SRRM4: variants seen among roughly 807,000 people sequenced by gnomAD.
SRRM4 encodes the protein serine/arginine repetitive matrix 4.
In SRRM4, 33 loss-of-function variants were observed where a neutral mutation model predicts 68.9. That is an observed-to-expected ratio of 0.48 (90% CI 0.36 to 0.64). SRRM4 has a LOEUF of 0.64. Among genes scored for constraint, SRRM4 ranks in the 30% least tolerant of loss-of-function variants. The pLI, the probability that SRRM4 is intolerant of heterozygous loss-of-function variation, is 0.00. For missense variants in SRRM4, 817 were observed against 827.1 expected (o/e 0.99, Z 0.15); for synonymous variants, 318 against 318.8 (o/e 1.00, Z 0.03).
At chr12:118,995,653 T>A (rs1042867286) in intron 1 of SRRM4, among the ~76,000 whole-genome samples, 1 of 152,170 alleles carries the variant, frequency 6.6e-6, no homozygotes, top group Non-Finnish European at 1.5e-5. Context: ...CTTTCTTGAG[T>A]GAGAAATTTG....
Position 119,125,476 on chromosome 12 carries a change from G to A in SRRM4, c.611G>A (p.Ser204Asn). Residue 204 changes from serine (S) to asparagine (N), a missense_variant, in exon 7 of 13, where the codon AGC (serine) becomes AAC (asparagine). Coordinates refer to ENST00000267260, the MANE Select transcript of SRRM4 (RefSeq NM_194286.4). ...SSESRPSSCE[S>N]RHRGRSPEEG... ...GAGTCCCGCCCCTCAAGCTGTGAGAGCAGGTAACCCCTTGCCCCAGGATCC... is the reference window on the plus strand; with the variant it reads ...GAGTCCCGCCCCTCAAGCTGTGAGAACAGGTAACCCCTTGCCCCAGGATCC... 1.9e-6 allele frequency: 3 copies of A among 1,583,286 alleles called. No individual in the cohort carries two copies. Among genetic ancestry groups the A allele is most frequent in the Non-Finnish European group, 1.7e-6 (2 of 1,164,530 alleles).
intron 7 of SRRM4, 45 bp downstream of exon 7, chr12:119,125,524 C>A: frequency 6.4e-7 from 1 of 1,552,420 alleles, no homozygotes; most frequent in Non-Finnish European, 8.9e-7. Flanking sequence ...CACAGCCGAG[C>A]CCAGGCTAAG....
intron 1 of SRRM4, among the ~76,000 whole-genome samples, chr12:119,043,775 T>TACACACACACACAC (rs58053550): frequency 0.17 from 23,803 of 141,398 alleles, 2,381 homozygotes; most frequent in Middle Eastern, 0.32. Context: ...CATACACGCA[T>TACACACACACACAC]ACACACACAC....
chr12:119,156,384 A>G, intron 12 of SRRM4, 111 bp from the exon 13 acceptor site: 1 of 1,441,984 alleles, frequency 6.9e-7, no homozygotes, highest in Non-Finnish European at 9.2e-7. Context: ...ATTTTTTCCT[A>G]AGGGACTGGG....
In SRRM4 at chr12:118,981,805, G is replaced by C. The variant is rs1953248791; in HGVS notation, c.-78G>C. 6.6e-7 allele frequency: 1 copy of C among 1,516,980 alleles called. No individual in the cohort carries two copies. Among genetic ancestry groups the C allele is most frequent in the Admixed American group, 1.9e-5 (1 of 51,436 alleles). 94.0% of individuals were successfully genotyped at this position (1,516,980 alleles called of 1,614,324 possible). The stretch of plus-strand genomic sequence containing the variant: ...TTTCACCCGGACAGAGCCGGGAGCT[G>C]GGTGTCGCCCCCGTTTGGAATCCAC... On this transcript the variant is annotated 5_prime_UTR_variant, in exon 1 of 13. Coordinates refer to ENST00000267260, the MANE Select transcript of SRRM4 (RefSeq NM_194286.4).
intron 1 of SRRM4, among the ~76,000 whole-genome samples, chr12:119,029,090 A>T (rs1003681915): frequency 3.3e-5 from 5 of 152,192 alleles, no homozygotes; most frequent in Non-Finnish European, 4.4e-5. Context: ...AAGGTGAGAA[A>T]TAACTCACAA....
chr12:119,055,966 G>T (rs1222494914), intron 1 of SRRM4, among the ~76,000 whole-genome samples: 1 of 152,204 alleles, frequency 6.6e-6, no homozygotes, highest in African/African-American at 2.4e-5. Context: ...AATCTCTTCT[G>T]GGGCCATGTA....
At chr12:118,986,599 C>T (rs1323486013) in intron 1 of SRRM4, among the ~76,000 whole-genome samples, 1 of 152,156 alleles carries the variant, frequency 6.6e-6, no homozygotes, top group Non-Finnish European at 1.5e-5. Context: ...ACTTGAAAGA[C>T]GCACACACTG....
intron 4 of SRRM4, among the ~76,000 whole-genome samples, chr12:119,119,238 A>G (rs1954202495): frequency 6.6e-6 from 1 of 151,962 alleles, no homozygotes. Context: ...CAGAACTTAG[A>G]ATAAAAATTA....
chr12:119,121,908 G>C (rs1267125399), intron 5 of SRRM4, among the ~76,000 whole-genome samples, 162 bp from the exon 6 acceptor site: 1 of 152,208 alleles, frequency 6.6e-6, no homozygotes, highest in South Asian at 2.1e-4. Flanking sequence ...AGCCGAATTT[G>C]CTGCATGAAA....
At chr12:119,063,165 A>G (rs1163058223) in intron 1 of SRRM4, among the ~76,000 whole-genome samples, 2 of 152,222 alleles carry the variant, frequency 1.3e-5, no homozygotes, top group Non-Finnish European at 2.9e-5. Context: ...TAGATGTTCA[A>G]AGATGAACAA....
chr12:119,084,733 G>A (rs1389063952), intron 1 of SRRM4, among the ~76,000 whole-genome samples: 1 of 151,940 alleles, frequency 6.6e-6, no homozygotes, highest in Non-Finnish European at 1.5e-5. Flanking sequence ...GCAAAATAGA[G>A]AATTGCAATG....
chr12:118,981,921 G>A lies in SRRM4; in HGVS notation c.39G>A (p.Glu13=), dbSNP rs1408811912. Residue 13 remains glutamate (E), a synonymous_variant, in exon 1 of 13, where the codon GAG becomes GAA. Coordinates refer to ENST00000267260, the MANE Select transcript of SRRM4 (RefSeq NM_194286.4). ...SVQQGEKQLF[E]KFWRGTFKAV... Reference sequence around the variant, plus strand: ...AGCAAGGCGAGAAGCAGCTTTTTGAGAAGTTCTGGCGAGGAACCTTCAAAG... The same window carrying A: ...AGCAAGGCGAGAAGCAGCTTTTTGAAAAGTTCTGGCGAGGAACCTTCAAAG... 6.2e-7 allele frequency: 1 copy of A among 1,613,522 alleles called. No individual in the cohort carries two copies. The highest frequency in any genetic ancestry group is 1.1e-5 in the South Asian group (1 of 90,894).
In SRRM4 at chr12:119,154,165, G is replaced by A. The variant is rs1954457337; in HGVS notation, c.1392-78G>A. The A allele has an allele frequency of 7.4e-7, 1 of 1,348,192 alleles. No individual in the cohort carries two copies. Among genetic ancestry groups the A allele is most frequent in the East Asian group, 2.5e-5 (1 of 39,652 alleles). 83.5% of individuals were successfully genotyped at this position (1,348,192 alleles called of 1,614,324 possible). On this transcript the variant is annotated intron_variant, in intron 11 of 12. Transcript: ENST00000267260. This position sits in a 1 kb window ranked among gnomAD's most constrained non-coding sequence, Gnocchi z 4.7. Reference sequence around the variant, plus strand: ...GACCCAGTGGGGTGGGAAAGAAAGGGAGTGTCCCTCTCCCACGCGCTCACG... The same window carrying A: ...GACCCAGTGGGGTGGGAAAGAAAGGAAGTGTCCCTCTCCCACGCGCTCACG...
At chr12:119,128,714 G>A (rs1176481026) in intron 7 of SRRM4, among the ~76,000 whole-genome samples, 1 of 152,234 alleles carries the variant, frequency 6.6e-6, no homozygotes, top group Non-Finnish European at 1.5e-5. Context: ...ATAGGCACCA[G>A]GTTAGTGTGA....
At chr12:119,038,460 C>A (rs372458095) in intron 1 of SRRM4, among the ~76,000 whole-genome samples, 4 of 152,288 alleles carry the variant, frequency 2.6e-5, no homozygotes, top group South Asian at 4.1e-4. Flanking sequence ...ATCCACCCAC[C>A]TCGGCCTCCC....
intron 8 of SRRM4, among the ~76,000 whole-genome samples, chr12:119,140,143 G>A (rs1416690302): frequency 2.0e-5 from 3 of 152,184 alleles, no homozygotes; most frequent in Non-Finnish European, 4.4e-5. Flanking sequence ...GGAGGCTGAG[G>A]CGGAACAGAT....
At chr12:119,041,258 C>T (rs989763806) in intron 1 of SRRM4, among the ~76,000 whole-genome samples, 24 of 152,102 alleles carry the variant, frequency 1.6e-4, no homozygotes, top group African/African-American at 5.3e-4. Context: ...TCCAGTTGCA[C>T]GTGGGTCTAA....
intron 1 of SRRM4, among the ~76,000 whole-genome samples, chr12:119,009,484 C>G (rs1306570344): frequency 6.6e-6 from 1 of 152,212 alleles, no homozygotes; most frequent in African/African-American, 2.4e-5. Flanking sequence ...ACATGACTTT[C>G]TCTGCCTCAG....
Sources: allele counts gnomAD v4.1 joint callset (sites outside exome capture counted in the v4.1 genomes callset), GRCh38; gene constraint gnomAD v4.1.1; non-coding constraint Gnocchi (gnomAD v3.1); transcripts MANE v1.5; gene names NCBI Gene and HGNC (gene_info 2026-07-23, HGNC 2026-07-21).